MAOA: variants seen among roughly 807,000 people sequenced by gnomAD.
MAOA encodes the protein amine oxidase [flavin-containing] A.
A neutral mutation model predicts 42.0 loss-of-function variants in MAOA; 6 were observed. The observed-to-expected ratio is 0.14, with a 90% confidence interval of 0.08 to 0.28. The LOEUF is 0.28. MAOA is among the 10% of genes least tolerant of loss of function. The probability of loss-of-function intolerance (pLI) is 1.00; values close to 1 mark genes in which losing one functional copy is unlikely to be tolerated. For synonymous variants in MAOA, 140 were observed against 154.0 expected (o/e 0.91, Z 0.67); for missense variants, 262 against 422.3 (o/e 0.62, Z 3.33).
chrX:43,660,807 A>C (rs1265331534), intron 1 of MAOA, among the ~76,000 whole-genome samples: 1 of 111,926 alleles, frequency 8.9e-6, no homozygotes, highest in East Asian at 2.8e-4. Context: ...GTTCTTACTC[A>C]TGAGCTGCCA....
At chrX:43,697,673 G>A in intron 3 of MAOA, among the ~76,000 whole-genome samples, 1 of 111,686 alleles carries the variant, frequency 9.0e-6, no homozygotes, top group East Asian at 2.8e-4. Flanking sequence ...TTTCAACCAA[G>A]GTAGACAACA....
At chrX:43,707,867 ACACT>A (rs1386388948) in intron 3 of MAOA, among the ~76,000 whole-genome samples, 1 of 111,891 alleles carries the variant, frequency 8.9e-6, no homozygotes, top group African/African-American at 3.3e-5. Flanking sequence ...TACTCTAATA[ACACT>A]CACTTCCTTT....
chrX:43,734,632 T>C (rs753496794), intron 9 of MAOA, among the ~76,000 whole-genome samples: 20 of 112,344 alleles, frequency 1.8e-4, no homozygotes, highest in South Asian at 7.4e-4. Flanking sequence ...GTGTTTGTAA[T>C]AAACTTTTGG....
At chrX:43,660,621 A>G (rs1392296732) in intron 1 of MAOA, among the ~76,000 whole-genome samples, 1 of 111,537 alleles carries the variant, frequency 9.0e-6, no homozygotes, top group Non-Finnish European at 1.9e-5. Flanking sequence ...TATTCTATCT[A>G]TCCTTCAATG....
chrX:43,704,387 G>A (rs1172484733), intron 3 of MAOA, among the ~76,000 whole-genome samples: 1 of 111,544 alleles, frequency 9.0e-6, no homozygotes, highest in African/African-American at 3.3e-5. Flanking sequence ...AGGACCAATA[G>A]CACGTGATCA....
intron 5 of MAOA, among the ~76,000 whole-genome samples, chrX:43,714,752 G>C (rs1414082019): frequency 3.4e-5 from 3 of 87,684 alleles, no homozygotes; most frequent in Non-Finnish European, 6.5e-5. Flanking sequence ...GAGTCAAGGG[G>C]AAACAGGCAA....
chrX:43,670,484 A>G (rs1419619977), intron 1 of MAOA, among the ~76,000 whole-genome samples: 1 of 108,773 alleles, frequency 9.2e-6, no homozygotes, highest in Non-Finnish European at 1.9e-5. Flanking sequence ...TTTAGGGTAC[A>G]TGTGCACAAT....
rs2033979041 is a variant in MAOA, at chrX:43,743,907, TAAGCAGGA to T, written c.1374+7_1374+14del. ...GCTGGAGAACGAGCAGCTAGGGAGG[TAAGCAGGA>T]AAGCCCAGGCTCTCTCCCTCCCGAG... On this transcript the variant is annotated splice_donor_5th_base_variant and intron_variant, in intron 13 of 14. Coordinates refer to ENST00000338702, the MANE Select transcript of MAOA (RefSeq NM_000240.4). 3 of 1,168,234 alleles carry T rather than the reference TAAGCAGGA, an allele frequency of 2.6e-6. No homozygotes were observed. In the African/African-American group the frequency reaches 5.4e-5, roughly 21 times the overall value.
chrX:43,719,326 G>A (rs2147097582), intron 5 of MAOA, among the ~76,000 whole-genome samples: 1 of 111,033 alleles, frequency 9.0e-6, no homozygotes, highest in South Asian at 3.8e-4. Flanking sequence ...CAGGATGGAA[G>A]GTGGATGTGG....
chrX:43,731,634 C>T (rs1012835397), intron 7 of MAOA, 60 bp from the exon 8 acceptor site: 12 of 1,086,724 alleles, frequency 1.1e-5, no homozygotes, highest in Admixed American at 2.2e-5. Flanking sequence ...TGATTTTTCA[C>T]GCCTGCCACA....
chrX:43,712,334 G>A (rs1382185495), intron 4 of MAOA, among the ~76,000 whole-genome samples: 1 of 111,395 alleles, frequency 9.0e-6, no homozygotes, highest in African/African-American at 3.3e-5. Context: ...GATAGTAAAG[G>A]AGAGAAGGAC....
At chrX:43,687,810 A>G (rs1291344737) in intron 2 of MAOA, among the ~76,000 whole-genome samples, 1 of 112,376 alleles carries the variant, frequency 8.9e-6, no homozygotes, top group Admixed American at 9.4e-5. Flanking sequence ...GCTCAACACT[A>G]CCAGACCCTC....
intron 3 of MAOA, among the ~76,000 whole-genome samples, chrX:43,710,173 A>C (rs557410499): frequency 1.8e-4 from 20 of 112,629 alleles, no homozygotes; most frequent in African/African-American, 6.4e-4. Flanking sequence ...TGCACGAGAT[A>C]ATGCATATGA....
intron 5 of MAOA, among the ~76,000 whole-genome samples, chrX:43,722,826 C>T (rs776263768): frequency 1.3e-4 from 15 of 111,686 alleles, no homozygotes; most frequent in Non-Finnish European, 2.6e-4. Flanking sequence ...TTAAGTTATA[C>T]GTTTAAATCT....
At chrX:43,707,926 C>G (rs28375424) in intron 3 of MAOA, among the ~76,000 whole-genome samples, 2 of 111,402 alleles carry the variant, frequency 1.8e-5, no homozygotes, top group Non-Finnish European at 3.8e-5. Context: ...AACTCTCCAA[C>G]GTGCCAATCA....
intron 7 of MAOA, 31 bp downstream of exon 7, chrX:43,731,421 G>A: frequency 8.5e-7 from 1 of 1,175,028 alleles, no homozygotes; most frequent in Non-Finnish European, 1.2e-6. Flanking sequence ...GGAGCATATA[G>A]TAAATAGGCC....
intron 10 of MAOA, among the ~76,000 whole-genome samples, chrX:43,738,823 A>G (rs1237059452): frequency 9.0e-6 from 1 of 111,449 alleles, no homozygotes; most frequent in Non-Finnish European, 1.9e-5. Context: ...CCTATCTCAG[A>G]AATAATAATA....
chrX:43,736,496 A>C (rs2235185), intron 10 of MAOA, among the ~76,000 whole-genome samples: 1 of 109,993 alleles, frequency 9.1e-6, no homozygotes, highest in Non-Finnish European at 1.9e-5. Flanking sequence ...ATTTTACAGT[A>C]GTTAAGAGGT....
At chrX:43,667,003 G>GAT (rs200854522) in intron 1 of MAOA, among the ~76,000 whole-genome samples, 2 of 93,597 alleles carry the variant, frequency 2.1e-5, no homozygotes, top group Admixed American at 1.2e-4. Flanking sequence ...TGGGGTGGGG[G>GAT]GCGGGGGGGA....
Sources: allele counts gnomAD v4.1 joint callset (sites outside exome capture counted in the v4.1 genomes callset), GRCh38; gene constraint gnomAD v4.1.1; transcripts MANE v1.5; gene names NCBI Gene and HGNC (gene_info 2026-07-23, HGNC 2026-07-21).